UHRF2: variants seen among roughly 807,000 people sequenced by gnomAD.
The protein encoded by UHRF2 is ubiquitin like with PHD and ring finger domains 2, also known as E3 ubiquitin-protein ligase UHRF2.
Under a neutral mutation model 96.8 loss-of-function variants are expected in UHRF2, and 23 were observed. The observed-to-expected ratio is 0.24, with a 90% CI of 0.17 to 0.34. The LOEUF (loss-of-function observed/expected upper bound fraction) is 0.34. UHRF2 is among the 10% of genes least tolerant of loss of function. The pLI is 1.00. For synonymous variants in UHRF2, 385 were observed against 332.6 expected (o/e 1.16, Z -1.72); for missense variants, 685 against 981.5 (o/e 0.70, Z 4.04).
intron 3 of UHRF2, among the ~76,000 whole-genome samples, chr9:6,447,591 C>A (rs563779): frequency 0.46 from 69,283 of 151,892 alleles, 16,972 homozygotes; most frequent in East Asian, 0.56. Flanking sequence ...AGAAATGAAA[C>A]TAAAGGTAAA....
chr9:6,440,931 T>G (rs944001173), intron 3 of UHRF2, among the ~76,000 whole-genome samples: 6 of 152,190 alleles, frequency 3.9e-5, no homozygotes, highest in Non-Finnish European at 7.3e-5. Context: ...ATGATTCTAA[T>G]CATTCCCTGT....
At chr9:6,442,939 A>G (rs1343879614) in intron 3 of UHRF2, among the ~76,000 whole-genome samples, 2 of 152,214 alleles carry the variant, frequency 1.3e-5, no homozygotes, top group East Asian at 1.9e-4. Context: ...GGTAAGTGTA[A>G]GGAAACTATT....
chr9:6,428,851 C>T (rs984389174), intron 2 of UHRF2, among the ~76,000 whole-genome samples: 2 of 151,770 alleles, frequency 1.3e-5, no homozygotes, highest in Admixed American at 6.6e-5. Context: ...CCCAGCCCTG[C>T]ATTTTAAAAT....
intron 4 of UHRF2, among the ~76,000 whole-genome samples, chr9:6,468,067 ATTC>A (rs1563781015): frequency 6.6e-6 from 1 of 152,176 alleles, no homozygotes; most frequent in African/African-American, 2.4e-5. Context: ...TTATTTGGGA[ATTC>A]TTAGACTGCC....
chr9:6,426,545 A>G (rs1820271151), intron 2 of UHRF2, among the ~76,000 whole-genome samples: 1 of 152,182 alleles, frequency 6.6e-6, no homozygotes, highest in African/African-American at 2.4e-5. Context: ...TAATTGTCAT[A>G]GGTATTTGAA....
chr9:6,489,080 G>A (rs1824498741), intron 9 of UHRF2, among the ~76,000 whole-genome samples: 1 of 152,202 alleles, frequency 6.6e-6, no homozygotes, highest in Admixed American at 6.5e-5. Flanking sequence ...AAAGTGCTGG[G>A]ATTACAGGCG....
chr9:6,487,037 G>A, intron 9 of UHRF2, 112 bp downstream of exon 9: 1 of 952,174 alleles, frequency 1.1e-6, no homozygotes, highest in Non-Finnish European at 1.6e-6. Context: ...CACAGTTTTT[G>A]TTGAAGTAAT....
At chr9:6,430,760 A>T (rs1224941439) in intron 2 of UHRF2, among the ~76,000 whole-genome samples, 1 of 152,152 alleles carries the variant, frequency 6.6e-6, no homozygotes. Context: ...CCCATGGAAA[A>T]CACAATAAAG....
At chr9:6,498,279 A>G in intron 12 of UHRF2, 121 bp downstream of exon 12, 1 of 1,077,418 alleles carries the variant, frequency 9.3e-7, no homozygotes, top group Non-Finnish European at 1.3e-6. Flanking sequence ...AGGGGTGAGG[A>G]ATAAGATCAT....
At chr9:6,468,810 G>A in intron 4 of UHRF2, 1 of 403,212 alleles carries the variant, frequency 2.5e-6, no homozygotes, top group South Asian at 1.8e-5. Context: ...TTGAAAAGTG[G>A]ATGGCTAAGG....
intron 3 of UHRF2, among the ~76,000 whole-genome samples, chr9:6,449,110 G>A (rs972844448): frequency 6.6e-6 from 1 of 152,062 alleles, no homozygotes; most frequent in Non-Finnish European, 1.5e-5. Flanking sequence ...CTCATTTGTG[G>A]CCCTAGAAAC....
intron 4 of UHRF2, among the ~76,000 whole-genome samples, chr9:6,466,278 C>T (rs1328583996): frequency 1.3e-5 from 2 of 152,124 alleles, no homozygotes; most frequent in South Asian, 2.1e-4. Flanking sequence ...TGGCTCACGC[C>T]TGTAATCCCA....
intron 3 of UHRF2, among the ~76,000 whole-genome samples, chr9:6,448,162 T>A (rs1821632008): frequency 6.6e-6 from 1 of 152,120 alleles, no homozygotes; most frequent in South Asian, 2.1e-4. Context: ...AAGAAATGTT[T>A]CAAAGTTGCA....
chr9:6,427,810 C>T (rs1292395437), intron 2 of UHRF2, among the ~76,000 whole-genome samples: 1 of 152,060 alleles, frequency 6.6e-6, no homozygotes, highest in East Asian at 1.9e-4. Flanking sequence ...AACTAGATAC[C>T]ACTACTACAT....
intron 8 of UHRF2, among the ~76,000 whole-genome samples, 197 bp downstream of exon 8, chr9:6,482,296 T>A (rs956641551): frequency 3.3e-5 from 5 of 152,210 alleles, no homozygotes; most frequent in African/African-American, 1.2e-4. Context: ...TAGCTATGCA[T>A]TTTCATCACT....
intron 8 of UHRF2, among the ~76,000 whole-genome samples, chr9:6,485,880 C>T (rs760101684): frequency 6.9e-6 from 1 of 145,586 alleles, no homozygotes; most frequent in African/African-American, 2.5e-5. Flanking sequence ...ATACCTTTTT[C>T]AGGGAGTTTG....
intron 3 of UHRF2, among the ~76,000 whole-genome samples, chr9:6,442,980 T>G (rs539634932): frequency 4.9e-4 from 75 of 152,332 alleles, no homozygotes; most frequent in Admixed American, 4.4e-3. Flanking sequence ...CCTTTATTGC[T>G]TTATTTAACT....
At chr9:6,435,850 C>T (rs947824022) in intron 3 of UHRF2, among the ~76,000 whole-genome samples, 2 of 152,142 alleles carry the variant, frequency 1.3e-5, no homozygotes, top group Non-Finnish European at 2.9e-5. Flanking sequence ...CTCAAGTGAT[C>T]CACCCACCTT....
At chr9:6,468,933 C>G (rs1489564637) in intron 4 of UHRF2, among the ~76,000 whole-genome samples, 1 of 152,188 alleles carries the variant, frequency 6.6e-6, no homozygotes, top group African/African-American at 2.4e-5. Flanking sequence ...GAAGGTTGAA[C>G]TTTCCTTTAT....
Sources: gnomAD v4.1 joint callset for allele counts (sites outside exome capture counted in the v4.1 genomes callset) on GRCh38, gnomAD v4.1.1 for gene constraint, MANE v1.5 for transcripts, NCBI Gene and HGNC (gene_info 2026-07-23, HGNC 2026-07-21) for gene names.